The following IGF2BP2 variants were observed in gnomAD, a reference collection of about 807,000 sequenced individuals.
IGF2BP2 encodes insulin-like growth factor 2 mRNA-binding protein 2.
Under a neutral mutation model 75.8 loss-of-function variants are expected in IGF2BP2, and 17 were observed. The ratio of observed to expected loss-of-function variants is 0.22; its 90% CI spans 0.15 to 0.34. The LOEUF (loss-of-function observed/expected upper bound fraction) is 0.34. IGF2BP2 is among the 10% of genes least tolerant of loss of function. The probability of loss-of-function intolerance (pLI) is 1.00; values close to 1 mark genes in which losing one functional copy is unlikely to be tolerated. For synonymous variants in IGF2BP2, 288 were observed against 295.6 expected (o/e 0.97, Z 0.26); for missense variants, 516 against 772.4 (o/e 0.67, Z 3.93).
chr3:185,663,092 C>T (rs999902772), intron 10 of IGF2BP2, among the ~76,000 whole-genome samples: 1 of 152,156 alleles, frequency 6.6e-6, no homozygotes, highest in Non-Finnish European at 1.5e-5. Flanking sequence ...ACTCAAATAA[C>T]TATTTTAATG....
chr3:185,754,219 T>A (rs1230617567), intron 2 of IGF2BP2, among the ~76,000 whole-genome samples: 1 of 151,680 alleles, frequency 6.6e-6, no homozygotes, highest in Non-Finnish European at 1.5e-5. Context: ...AAAAAATAAA[T>A]AAAATAAGAA....
At chr3:185,707,034 GC>G (rs1442601398) in intron 2 of IGF2BP2, among the ~76,000 whole-genome samples, 1 of 151,886 alleles carries the variant, frequency 6.6e-6, no homozygotes, top group African/African-American at 2.4e-5. Context: ...AAGCCACTGT[GC>G]CCAGAGATTC....
chr3:185,805,464 G>A (rs148533992), intron 2 of IGF2BP2, among the ~76,000 whole-genome samples: 45 of 152,276 alleles, frequency 3.0e-4, no homozygotes, highest in African/African-American at 9.9e-4. Flanking sequence ...AATTAAGGAG[G>A]AATAATCAAG....
chr3:185,804,787 A>G (rs2149968978), intron 2 of IGF2BP2, among the ~76,000 whole-genome samples: 1 of 152,100 alleles, frequency 6.6e-6, no homozygotes, highest in South Asian at 2.1e-4. Context: ...CAGGACATCG[A>G]GACCATCCTG....
intron 2 of IGF2BP2, among the ~76,000 whole-genome samples, chr3:185,730,068 ATCAC>A (rs769253165): frequency 6.0e-4 from 92 of 152,312 alleles, no homozygotes; most frequent in Non-Finnish European, 9.8e-4. Context: ...TACTGAACCC[ATCAC>A]TCAAATAGTG....
chr3:185,750,012 T>A (rs1198910520), intron 2 of IGF2BP2, among the ~76,000 whole-genome samples: 1 of 152,238 alleles, frequency 6.6e-6, no homozygotes, highest in Non-Finnish European at 1.5e-5. Context: ...AGCTCAGTTG[T>A]TTTGAACTTT....
At chr3:185,749,503 T>A (rs1407671714) in intron 2 of IGF2BP2, among the ~76,000 whole-genome samples, 2 of 152,250 alleles carry the variant, frequency 1.3e-5, no homozygotes, top group Non-Finnish European at 2.9e-5. Context: ...ATGAATGAGC[T>A]AATTGCTCTT....
At chr3:185,777,901 C>T (rs369733552) in intron 2 of IGF2BP2, among the ~76,000 whole-genome samples, 130 of 151,896 alleles carry the variant, frequency 8.6e-4, no homozygotes, top group Non-Finnish European at 1.4e-3. Context: ...AAAATTAGCC[C>T]GGCACAGTGA....
chr3:185,667,129 G>A (rs1717764114), intron 10 of IGF2BP2, among the ~76,000 whole-genome samples: 2 of 152,202 alleles, frequency 1.3e-5, no homozygotes, highest in Non-Finnish European at 2.9e-5. Context: ...GGCATTCGAT[G>A]AGATTCAAAG....
At position 185,681,133 on chromosome 3, in the gene IGF2BP2, G is replaced by C. The variant is rs1214728941; in HGVS notation, c.813-5220C>G. On this transcript the variant is annotated intron_variant, in intron 7 of 15. Transcript: ENST00000382199. The stretch of plus-strand genomic sequence containing the variant: ...AAAGAAATAAAAGGCATTCGAATTG[G>C]AAAGAAAGACATAAAATGATCTCTA... Among the ~76,000 whole-genome samples, 3 of 152,086 alleles carry C rather than the reference G, an allele frequency of 2.0e-5. No individual in the cohort carries two copies. The East Asian group carries it at 5.8e-4, about 29-fold the overall frequency.
At chr3:185,674,539 T>G (rs1004046677) in intron 9 of IGF2BP2, among the ~76,000 whole-genome samples, 3 of 152,238 alleles carry the variant, frequency 2.0e-5, no homozygotes, top group African/African-American at 7.2e-5. Flanking sequence ...ACAAACCTAA[T>G]GAGTCTGCTA....
chr3:185,661,587 G>A (rs559355563), intron 10 of IGF2BP2, among the ~76,000 whole-genome samples: 33 of 144,894 alleles, frequency 2.3e-4, no homozygotes, highest in Middle Eastern at 3.5e-3. Context: ...TCAGTGAGCC[G>A]AGATCATGCC....
intron 2 of IGF2BP2, among the ~76,000 whole-genome samples, chr3:185,822,093 CAT>C (rs1560525909): frequency 6.6e-6 from 1 of 151,818 alleles, no homozygotes; most frequent in Admixed American, 6.6e-5. Context: ...TAAAATAAAA[CAT>C]ATCTGGAAAT....
rs943749385 is a variant in IGF2BP2 at position 185,777,056 on chromosome 3, T to C, written c.239+46097A>G. Reference sequence around the variant, plus strand: ...CTAAAGAGTTGCTACATTAGAGCTATGAGTTTGGCTCTGAGCTTCCTAGTG... The same window carrying C: ...CTAAAGAGTTGCTACATTAGAGCTACGAGTTTGGCTCTGAGCTTCCTAGTG... On this transcript the variant is annotated intron_variant, in intron 2 of 15. Transcript: ENST00000382199. Among the ~76,000 whole-genome samples, 8 of 152,172 alleles carry C rather than the reference T, an allele frequency of 5.3e-5. No homozygotes were observed. In the East Asian group the frequency reaches 1.5e-3, roughly 29 times the overall value.
intron 12 of IGF2BP2, among the ~76,000 whole-genome samples, chr3:185,653,876 A>G (rs1560230015): frequency 6.6e-6 from 1 of 152,186 alleles, no homozygotes; most frequent in Non-Finnish European, 1.5e-5. Context: ...CTGTTTAGTG[A>G]AATGGGATTT....
At chr3:185,757,255 A>G (rs976704928) in intron 2 of IGF2BP2, among the ~76,000 whole-genome samples, 1 of 152,332 alleles carries the variant, frequency 6.6e-6, no homozygotes, top group Non-Finnish European at 1.5e-5. Flanking sequence ...AAAAGCTACT[A>G]AGCACTTGCC....
intron 2 of IGF2BP2, among the ~76,000 whole-genome samples, chr3:185,811,828 G>GTCTCTCTCTCTCTC (rs1458609762): frequency 8.3e-6 from 1 of 120,170 alleles, no homozygotes; most frequent in Non-Finnish European, 1.9e-5. Context: ...TCAGAGTAGG[G>GTCTCTCTCTCTCTC]TGTCTCTCTC....
chr3:185,731,300 G>A (rs540438460), intron 2 of IGF2BP2, among the ~76,000 whole-genome samples: 14 of 149,448 alleles, frequency 9.4e-5, no homozygotes, highest in African/African-American at 2.5e-4. Flanking sequence ...AGGCTGGAGC[G>A]CAATGGTGCA....
intron 2 of IGF2BP2, among the ~76,000 whole-genome samples, chr3:185,798,793 TTC>T (rs200589286): frequency 0.037 from 4,831 of 130,602 alleles, 113 homozygotes; most frequent in South Asian, 0.1. Flanking sequence ...TTTTCTTTTT[TTC>T]TTTTTTTTTT....
Sources: allele counts gnomAD v4.1 joint callset (sites outside exome capture counted in the v4.1 genomes callset), GRCh38; gene constraint gnomAD v4.1.1; transcripts MANE v1.5; gene names NCBI Gene and HGNC (gene_info 2026-07-23, HGNC 2026-07-21).